The following GSAP variants were observed in gnomAD, a reference collection of about 807,000 sequenced individuals.
The protein encoded by GSAP is gamma-secretase activating protein.
A neutral mutation model predicts 131.7 loss-of-function variants in GSAP; 118 were observed. The observed-to-expected ratio is 0.90, with a 90% confidence interval of 0.77 to 1.04. The LOEUF (loss-of-function observed/expected upper bound fraction) is 1.04. GSAP is among the 50% of genes least tolerant of loss of function. The pLI is 0.00. For synonymous variants in GSAP, 381 were observed against 363.4 expected, an observed-to-expected ratio of 1.05 and a Z score of -0.55; for missense variants, 1,019 against 1,013.2, an observed-to-expected ratio of 1.01 and a Z score of -0.08.
At chr7:77,392,873 G>A (rs1799803008) in intron 5 of GSAP, among the ~76,000 whole-genome samples, 1 of 152,086 alleles carries the variant, frequency 6.6e-6, no homozygotes, top group African/African-American at 2.4e-5. Flanking sequence ...AATCTCAGTG[G>A]CAATGGGGCC....
intron 5 of GSAP, among the ~76,000 whole-genome samples, chr7:77,393,941 T>G (rs1238956985): frequency 6.6e-6 from 1 of 152,156 alleles, no homozygotes; most frequent in African/African-American, 2.4e-5. Flanking sequence ...CCCAAAGTGC[T>G]AGGATTACAG....
intron 3 of GSAP, among the ~76,000 whole-genome samples, chr7:77,400,708 T>C (rs1322214367): frequency 6.6e-6 from 1 of 152,188 alleles, no homozygotes; most frequent in Non-Finnish European, 1.5e-5. Flanking sequence ...GAAAACCTCA[T>C]GTCATACCAA....
At chr7:77,362,707 T>C (rs1323749278) in intron 12 of GSAP, 47 bp from the exon 13 acceptor site, 1 of 1,099,980 alleles carries the variant, frequency 9.1e-7, no homozygotes, top group African/African-American at 1.6e-5. Flanking sequence ...ATCTATGTCA[T>C]AAATAAAGTT....
chr7:77,383,355 T>C (rs1006641896), intron 6 of GSAP, among the ~76,000 whole-genome samples: 2 of 152,044 alleles, frequency 1.3e-5, no homozygotes, highest in East Asian at 1.9e-4. Context: ...GAGGTCGATA[T>C]AGTCGTTGTG....
At chr7:77,381,088 G>A (rs991419151) in intron 8 of GSAP, among the ~76,000 whole-genome samples, 1 of 152,170 alleles carries the variant, frequency 6.6e-6, no homozygotes, top group Non-Finnish European at 1.5e-5. Context: ...AGCTACCTCA[G>A]GATACTGAGA....
chr7:77,414,983 G>C, intron 1 of GSAP, among the ~76,000 whole-genome samples: 1 of 149,646 alleles, frequency 6.7e-6, no homozygotes, highest in East Asian at 2.0e-4. Context: ...TCAGCCTCCC[G>C]AGTAGCTGGG....
chr7:77,364,045 TA>T (rs556208187), intron 12 of GSAP, among the ~76,000 whole-genome samples: 10 of 151,988 alleles, frequency 6.6e-5, no homozygotes, highest in Non-Finnish European at 5.9e-5. Context: ...TGAAATTGCT[TA>T]AAAAAAAGAC....
At chr7:77,367,285 G>A (rs1216440816) in intron 12 of GSAP, among the ~76,000 whole-genome samples, 4 of 152,158 alleles carry the variant, frequency 2.6e-5, no homozygotes, top group African/African-American at 9.7e-5. Flanking sequence ...CTTGTCCTGT[G>A]CCAGTTTTCA....
intron 18 of GSAP, among the ~76,000 whole-genome samples, chr7:77,350,273 T>G (rs555121907): frequency 1.8e-5 from 1 of 56,368 alleles, no homozygotes; most frequent in Non-Finnish European, 2.9e-5. Context: ...GGGACTGTTG[T>G]GGGGTGGGGG....
chr7:77,385,392 T>A (rs1798414648), intron 6 of GSAP, among the ~76,000 whole-genome samples: 1 of 152,204 alleles, frequency 6.6e-6, no homozygotes, highest in African/African-American at 2.4e-5. Context: ...TTAACCACTT[T>A]AATATATACA....
At chr7:77,408,476 A>G (rs1000677925) in intron 1 of GSAP, among the ~76,000 whole-genome samples, 2 of 152,100 alleles carry the variant, frequency 1.3e-5, no homozygotes, top group African/African-American at 4.8e-5. Flanking sequence ...AGGTAGATGG[A>G]TCACTTGAGG....
chr7:77,334,605 A>AAAAAAAAAAAAAAAAT, intron 19 of GSAP, among the ~76,000 whole-genome samples: 1 of 149,772 alleles, frequency 6.7e-6, no homozygotes, highest in Non-Finnish European at 1.5e-5. Flanking sequence ...AAAAAAAAAA[A>AAAAAAAAAAAAAAAAT]AGATGAACCT....
Position 77,349,398 on chromosome 7 carries a change from G to A in GSAP, c.1498C>T (p.Pro500Ser), listed in dbSNP as rs2150825378. The A allele has an allele frequency of 1.2e-6, 2 of 1,612,554 alleles. No homozygotes were observed. Among genetic ancestry groups the A allele is most frequent in the Non-Finnish European group, 1.7e-6 (2 of 1,179,046 alleles). ...SSVLTWNTEI[P>S]GITLVTEDIA... ...TCTTCTGTCACAAGAGTTATTCCAG[G>A]AATTTCCTATAGTGGGGAAAAACAC... is the stretch of plus-strand genomic sequence containing the variant. Residue 500 changes from proline to serine, a missense_variant, in exon 19 of 31, where the codon CCT becomes TCT. Physicochemically the swap from Pro to Ser is moderately conservative, Grantham distance 74. Coordinates refer to ENST00000257626, the MANE Select transcript of GSAP (RefSeq NM_017439.4).
chr7:77,378,892 A>AG (rs1414933153), intron 8 of GSAP, among the ~76,000 whole-genome samples: 1 of 152,220 alleles, frequency 6.6e-6, no homozygotes, highest in African/African-American at 2.4e-5. Context: ...AGAAGAAATG[A>AG]GGAAAAAAGG....
chr7:77,389,518 G>C (rs902145402), intron 5 of GSAP, among the ~76,000 whole-genome samples: 5 of 148,510 alleles, frequency 3.4e-5, no homozygotes, highest in African/African-American at 1.2e-4. Context: ...CCACCTATGA[G>C]TGAGAACACG....
intron 19 of GSAP, chr7:77,330,831 C>T: frequency 1.0e-6 from 1 of 983,118 alleles, no homozygotes. Flanking sequence ...ATTTACTGCC[C>T]AGGACATTTT....
chr7:77,376,863 C>CTCA lies in GSAP; in HGVS notation c.723_725dup (p.Asp241dup). ...CTGGACTTACCATTAAGTTATAGCT[C>CTCA]TCATCAGCATAAAACTGGATACATT... is the stretch of plus-strand genomic sequence containing the variant. On this transcript the variant is annotated inframe_insertion, in exon 10 of 31. Coordinates refer to ENST00000257626, the MANE Select transcript of GSAP (RefSeq NM_017439.4). The CTCA allele has an allele frequency of 6.8e-7, 1 of 1,472,530 alleles. No individual in the cohort carries two copies. Among genetic ancestry groups the CTCA allele is most frequent in the East Asian group, 2.4e-5 (1 of 42,300 alleles). The allele number at this position is 1,472,530 out of a possible 1,614,324, so 91.2% of individuals were successfully genotyped here.
intron 19 of GSAP, among the ~76,000 whole-genome samples, chr7:77,345,736 C>G (rs1317019497): frequency 1.3e-5 from 2 of 152,086 alleles, no homozygotes; most frequent in Non-Finnish European, 2.9e-5. Flanking sequence ...TTTTGACTAC[C>G]CACCCAAATC....
At chr7:77,388,445 T>C (rs753701985) in intron 5 of GSAP, among the ~76,000 whole-genome samples, 2 of 152,188 alleles carry the variant, frequency 1.3e-5, no homozygotes, top group Non-Finnish European at 2.9e-5. Context: ...ACTTACTTCT[T>C]CAGTGTCACA....
Sources: gnomAD v4.1 joint callset for allele counts (sites outside exome capture counted in the v4.1 genomes callset) on GRCh38, gnomAD v4.1.1 for gene constraint, MANE v1.5 for transcripts, NCBI Gene and HGNC (gene_info 2026-07-23, HGNC 2026-07-21) for gene names.